Variants in SIK3 observed in about 807,000 individuals in gnomAD.
SIK3 encodes the protein serine/threonine-protein kinase SIK3.
SIK3 carries 28 observed loss-of-function variants against 144.2 expected under a neutral mutation model. That is an observed-to-expected ratio of 0.19 (90% CI 0.14 to 0.27). The LOEUF (loss-of-function observed/expected upper bound fraction) is 0.27, where lower values mean the gene tolerates loss of function less well. SIK3 is among the 10% of genes least tolerant of loss of function. The pLI is 1.00. For synonymous variants in SIK3, 686 were observed against 676.3 expected (o/e 1.01, Z -0.22); for missense variants, 1,319 against 1,776.0 (o/e 0.74, Z 4.62).
At position 117,012,827 on chromosome 11, in the gene SIK3, GT is replaced by G. The variant is rs397940864; in HGVS notation, c.274-55764del. Among the ~76,000 whole-genome samples the G allele has an allele frequency of 6.7e-4, 90 of 133,842 alleles. 2 individuals carry two copies. The highest frequency in any genetic ancestry group is 1.5e-3 in the African/African-American group (52 of 34,540). The allele number at this position is 133,842 out of a possible 152,430, so 87.8% of individuals were successfully genotyped here. On this transcript the variant is annotated intron_variant, in intron 1 of 24. Coordinates refer to ENST00000445177, the MANE Select transcript of SIK3 (RefSeq NM_001366686.3). Reference sequence around the variant, plus strand: ...CTCATAATATATTGAAATTCTTAGGGTTTTTTTTTTTGCCATTACTGCTTTT... The same window carrying G: ...CTCATAATATATTGAAATTCTTAGGGTTTTTTTTTTGCCATTACTGCTTTT...
At chr11:117,060,334 T>C (rs1312342448) in intron 1 of SIK3, among the ~76,000 whole-genome samples, 1 of 152,178 alleles carries the variant, frequency 6.6e-6, no homozygotes, top group East Asian at 1.9e-4. Flanking sequence ...AGGTGGCTCA[T>C]GCCTGTAATC....
At chr11:116,950,771 A>G (rs957920684) in intron 3 of SIK3, among the ~76,000 whole-genome samples, 1 of 151,892 alleles carries the variant, frequency 6.6e-6, no homozygotes, top group Non-Finnish European at 1.5e-5. Context: ...GTCTTTTGAC[A>G]GAAGGAAGCC....
chr11:117,091,083 C>T (rs1955222013), intron 1 of SIK3, among the ~76,000 whole-genome samples: 1 of 151,652 alleles, frequency 6.6e-6, no homozygotes, highest in Non-Finnish European at 1.5e-5. Flanking sequence ...AGCTCCCCCA[C>T]TAACTACCTA....
At chr11:116,996,689 G>T (rs534255586) in intron 1 of SIK3, among the ~76,000 whole-genome samples, 1 of 151,536 alleles carries the variant, frequency 6.6e-6, no homozygotes, top group South Asian at 2.1e-4. Context: ...GTGTGGTGAC[G>T]GGCACCTGTA....
intron 1 of SIK3, among the ~76,000 whole-genome samples, chr11:116,993,677 G>A (rs996678889): frequency 1.2e-4 from 19 of 152,156 alleles, no homozygotes; most frequent in African/African-American, 4.6e-4. Context: ...AAGAGGGGCT[G>A]AACAGACGTC....
Position 116,846,113 on chromosome 11 carries a change from C to G in SIK3, c.*13+270G>C, listed in dbSNP as rs1278171057. ...TCTGTCGCTATGAAGGCTAGAGCACCTGTAACACACGGCGAGTCTTGTGTC... is the reference window on the plus strand; with the variant it reads ...TCTGTCGCTATGAAGGCTAGAGCACGTGTAACACACGGCGAGTCTTGTGTC... On this transcript the variant is annotated intron_variant, in intron 24 of 24. Transcript: ENST00000445177. This position sits in a 1 kb window ranked among gnomAD's most constrained non-coding sequence, Gnocchi z 4.1. Among the ~76,000 whole-genome samples, 1 of 152,238 alleles carries G rather than the reference C, an allele frequency of 6.6e-6. No individual in the cohort carries two copies. The highest frequency in any genetic ancestry group is 1.5e-5 in the Non-Finnish European group (1 of 68,046).
At position 116,876,240 on chromosome 11, in the gene SIK3, C is replaced by T. The variant is rs749717277; in HGVS notation, c.1095+13G>A. ...GCTACATCCCACTTTGTTCTCCACT[C>T]CTTCGGAGATACCTGCAGTGTCTGT... On this transcript the variant is annotated intron_variant, in intron 8 of 24. Transcript: ENST00000445177. 5 of 1,610,380 alleles carry T rather than the reference C, an allele frequency of 3.1e-6. No individual in the cohort carries two copies. Among genetic ancestry groups the T allele is most frequent in the Non-Finnish European group, 4.2e-6 (5 of 1,177,222 alleles).
intron 22 of SIK3, among the ~76,000 whole-genome samples, chr11:116,847,982 A>C (rs1490775173): frequency 1.3e-5 from 2 of 152,184 alleles, no homozygotes; most frequent in Non-Finnish European, 2.9e-5. Flanking sequence ...GTCCTGTCCA[A>C]TATGGTAACC....
chr11:117,061,608 T>C (rs780838100), intron 1 of SIK3, among the ~76,000 whole-genome samples: 8 of 152,096 alleles, frequency 5.3e-5, no homozygotes, highest in Non-Finnish European at 2.9e-5. Flanking sequence ...CAACATAAGG[T>C]CTATGAACCC....
At chr11:116,981,154 C>G (rs1451972710) in intron 1 of SIK3, among the ~76,000 whole-genome samples, 1 of 152,190 alleles carries the variant, frequency 6.6e-6, no homozygotes, top group African/African-American at 2.4e-5. Context: ...ATTTTGCTCA[C>G]AAATTAGTAA....
At chr11:116,851,046 G>A (rs1942388594) in intron 21 of SIK3, among the ~76,000 whole-genome samples, 1 of 152,106 alleles carries the variant, frequency 6.6e-6, no homozygotes, top group Middle Eastern at 3.2e-3. Flanking sequence ...TCTTAATATG[G>A]GTTACTATCC....
In SIK3 at chr11:116,858,228, A is replaced by G; in HGVS notation, c.3237T>C (p.Ala1079=). 1 of 1,614,106 alleles carries G rather than the reference A, an allele frequency of 6.2e-7. No individual in the cohort carries two copies. The highest frequency in any genetic ancestry group is 1.1e-5 in the South Asian group (1 of 91,078). The change falls in exon 21 of 25, where the codon GCT becomes GCC. Residue 1079 remains alanine (A), a synonymous_variant. Coordinates refer to ENST00000445177, the MANE Select transcript of SIK3 (RefSeq NM_001366686.3). This position sits in a 1 kb window ranked among gnomAD's most constrained non-coding sequence, Gnocchi z 5.4. ...TCATGCTCTGTCCCCCAAGGCTGGG[A>G]GCCAGACTCCCCGCATCCCCTTGGT... ...HMNQGDAGSL[A]PSLGGQSMTE... is the part of the protein sequence containing the mutation.
chr11:116,992,462 AAAAC>A (rs1398943531), intron 1 of SIK3, among the ~76,000 whole-genome samples: 1 of 152,210 alleles, frequency 6.6e-6, no homozygotes, highest in African/African-American at 2.4e-5. Context: ...CAGCATTAAA[AAAAC>A]AAAATTACAT....
intron 1 of SIK3, among the ~76,000 whole-genome samples, chr11:117,021,952 A>C (rs1390880037): frequency 2.4e-4 from 36 of 149,406 alleles, no homozygotes; most frequent in African/African-American, 8.5e-4. Context: ...AAAAAAAAAA[A>C]AAAAAAAAAC....
chr11:116,884,474 A>T (rs1944711190), intron 6 of SIK3, among the ~76,000 whole-genome samples: 1 of 151,654 alleles, frequency 6.6e-6, no homozygotes, highest in Admixed American at 6.6e-5. Flanking sequence ...ATAAACGATA[A>T]TATGCCTCCT....
chr11:117,036,726 G>A lies in SIK3; in HGVS notation c.273+61417C>T, dbSNP rs149679676. Among the ~76,000 whole-genome samples the A allele has an allele frequency of 2.0e-3, 311 of 152,278 alleles. 2 individuals carry two copies. Among genetic ancestry groups the A allele is most frequent in the African/African-American group, 7.0e-3 (292 of 41,564 alleles). The stretch of plus-strand genomic sequence containing the variant: ...AGCCAGTGTGAAAAATATATTAAAT[G>A]ACTCTTCGGCAAAATACGGTTTCCA... On this transcript the variant is annotated intron_variant, in intron 1 of 24. Coordinates refer to ENST00000445177, the MANE Select transcript of SIK3 (RefSeq NM_001366686.3).
At chr11:117,046,987 A>C (rs1201591099) in intron 1 of SIK3, among the ~76,000 whole-genome samples, 2 of 152,214 alleles carry the variant, frequency 1.3e-5, no homozygotes, top group African/African-American at 4.8e-5. Flanking sequence ...ACTGTAACAG[A>C]ATCTTTTTTT....
intron 1 of SIK3, among the ~76,000 whole-genome samples, chr11:117,013,903 G>GTGCGTGT (rs1555127047): frequency 1.9e-5 from 1 of 52,766 alleles, no homozygotes; most frequent in African/African-American, 5.9e-5. Context: ...ATTCTGAGGG[G>GTGCGTGT]GGGGGGGGGA....
intron 1 of SIK3, among the ~76,000 whole-genome samples, chr11:116,976,732 G>C (rs1378926132): frequency 1.3e-5 from 2 of 152,218 alleles, no homozygotes; most frequent in Non-Finnish European, 2.9e-5. Context: ...TGGTGTTTTA[G>C]TAACTGTTAA....
Sources: gnomAD v4.1 joint callset for allele counts (sites outside exome capture counted in the v4.1 genomes callset) on GRCh38, gnomAD v4.1.1 for gene constraint, Gnocchi (gnomAD v3.1) non-coding constraint, MANE v1.5 for transcripts, NCBI Gene and HGNC (gene_info 2026-07-23, HGNC 2026-07-21) for gene names.